TM4SF4: variants seen among roughly 807,000 people sequenced by gnomAD.
The protein encoded by TM4SF4 is transmembrane 4 L six family member 4, also known as transmembrane 4 L6 family member 4.
TM4SF4 carries 24 observed loss-of-function variants against 24.1 expected under a neutral mutation model. The observed-to-expected ratio is 1.00, with a 90% confidence interval of 0.72 to 1.40. The LOEUF (loss-of-function observed/expected upper bound fraction) is 1.40, where lower values mean the gene tolerates loss of function less well. TM4SF4 is among the 40% of genes most tolerant of loss of function. TM4SF4 has a pLI of 0.00. For missense variants in TM4SF4, 254 were observed against 254.2 expected, an observed-to-expected ratio of 1.00 and a Z score of 0.01; for synonymous variants, 113 against 97.0, an observed-to-expected ratio of 1.17 and a Z score of -0.97.
In TM4SF4 at chr3:149,474,840, G is replaced by A; in HGVS notation, c.-38G>A. The A allele has an allele frequency of 6.4e-7, 1 of 1,570,160 alleles. No homozygotes were observed. The highest frequency in any genetic ancestry group is 8.6e-7 in the Non-Finnish European group (1 of 1,160,862). On this transcript the variant is annotated 5_prime_UTR_variant, in exon 1 of 5. Coordinates refer to ENST00000305354, the MANE Select transcript of TM4SF4 (RefSeq NM_004617.4). ...GAGGCCCCGTGAAGGAGGCAGTGAG[G>A]AGCTTTTGATTGCTGACCTGTGTCG...
chr3:149,485,107 C>CT (rs1734093746), intron 2 of TM4SF4, among the ~76,000 whole-genome samples: 2 of 152,202 alleles, frequency 1.3e-5, no homozygotes, highest in Admixed American at 1.3e-4. Context: ...GGACTCAACT[C>CT]TAAGGTAATT....
chr3:149,498,511 C>T (rs10935762), intron 3 of TM4SF4, among the ~76,000 whole-genome samples: 111,521 of 152,078 alleles, frequency 0.73, 44,495 homozygotes, highest in Non-Finnish European at 0.9. Context: ...TGAATATGTG[C>T]GAAGTGATTA....
At chr3:149,481,160 C>T (rs1055437809) in intron 2 of TM4SF4, among the ~76,000 whole-genome samples, 2 of 152,112 alleles carry the variant, frequency 1.3e-5, no homozygotes, top group Non-Finnish European at 2.9e-5. Flanking sequence ...ACGCCGGCAT[C>T]TTCAGTAAAT....
At chr3:149,498,652 G>A in intron 3 of TM4SF4, 70 bp from the exon 4 acceptor site, 1 of 1,403,222 alleles carries the variant, frequency 7.1e-7, no homozygotes, top group South Asian at 1.2e-5. Flanking sequence ...ACATTGTTAT[G>A]GTAACTTTCT....
chr3:149,500,742 C>T (rs1313644951), intron 4 of TM4SF4, among the ~76,000 whole-genome samples: 1 of 152,138 alleles, frequency 6.6e-6, no homozygotes, highest in Non-Finnish European at 1.5e-5. Flanking sequence ...CATGGTGGCT[C>T]ATGTCTGTAA....
At chr3:149,499,815 C>T (rs1266169779) in intron 4 of TM4SF4, among the ~76,000 whole-genome samples, 2 of 151,808 alleles carry the variant, frequency 1.3e-5, no homozygotes, top group African/African-American at 4.8e-5. Context: ...GCAGAGGTTG[C>T]AGTGAGCCGA....
chr3:149,502,700 G>A lies in TM4SF4; in HGVS notation c.*7G>A, dbSNP rs770878534. The A allele has an allele frequency of 1.0e-5, 16 of 1,591,526 alleles. No homozygotes were observed. The highest frequency in any genetic ancestry group is 9.0e-5 in the East Asian group (4 of 44,618). On this transcript the variant is annotated 3_prime_UTR_variant, in exon 5 of 5. Transcript: ENST00000305354. ...GGGAGATGGACCCGTTTAAACCTCC[G>A]AGATGAGCTGCTCAGACTCTACAGC... is the stretch of plus-strand genomic sequence containing the variant.
chr3:149,482,703 C>G lies in TM4SF4; in HGVS notation c.265-4916C>G, dbSNP rs114599235. On this transcript the variant is annotated intron_variant, in intron 2 of 4. Coordinates refer to ENST00000305354, the MANE Select transcript of TM4SF4 (RefSeq NM_004617.4). ...GGACTACAAGCACACACCACCACCCCTCACTAATTTTTGTATTTCTTGTAG... is the reference window on the plus strand; with the variant it reads ...GGACTACAAGCACACACCACCACCCGTCACTAATTTTTGTATTTCTTGTAG... Among the ~76,000 whole-genome samples the G allele has an allele frequency of 3.3e-3, 497 of 152,270 alleles. 3 individuals carry two copies. Among genetic ancestry groups the G allele is most frequent in the African/African-American group, 0.011 (475 of 41,556 alleles).
At chr3:149,481,270 T>A (rs1734028656) in intron 2 of TM4SF4, among the ~76,000 whole-genome samples, 1 of 126,874 alleles carries the variant, frequency 7.9e-6, no homozygotes, top group South Asian at 2.3e-4. Context: ...TTGCAAGCAT[T>A]TGGTGTAAGG....
chr3:149,483,502 G>A lies in TM4SF4; in HGVS notation c.265-4117G>A, dbSNP rs140491282. Reference sequence around the variant, plus strand: ...GAATTGTAGCAGTATTTTCCAAAGTGTTTTCTTACAAGGAGTCACAGGAAA... The same window carrying A: ...GAATTGTAGCAGTATTTTCCAAAGTATTTTCTTACAAGGAGTCACAGGAAA... On this transcript the variant is annotated intron_variant, in intron 2 of 4. Coordinates refer to ENST00000305354, the MANE Select transcript of TM4SF4 (RefSeq NM_004617.4). Among the ~76,000 whole-genome samples, 701 of 148,934 alleles carry A rather than the reference G, an allele frequency of 4.7e-3. 4 individuals carry two copies. Among genetic ancestry groups the A allele is most frequent in the African/African-American group, 0.017 (673 of 40,480 alleles).
chr3:149,476,550 C>G (rs149613516), intron 2 of TM4SF4, among the ~76,000 whole-genome samples: 4,341 of 152,284 alleles, frequency 0.029, 102 homozygotes, highest in Admixed American at 0.059. Flanking sequence ...AGGACCCATT[C>G]TGCAATTGAG....
At chr3:149,475,718 G>T (rs1229346730) in intron 1 of TM4SF4, 105 bp from the exon 2 acceptor site, 5 of 911,086 alleles carry the variant, frequency 5.5e-6, no homozygotes, top group Non-Finnish European at 8.7e-6. Flanking sequence ...TTCCCTTTGG[G>T]CCTCCAAATC....
At chr3:149,475,108 T>A in intron 1 of TM4SF4, 57 bp downstream of exon 1, 2 of 1,537,434 alleles carry the variant, frequency 1.3e-6, no homozygotes, top group Non-Finnish European at 1.8e-6. Context: ...CCACAATCCT[T>A]TTTAAATCAG....
At chr3:149,499,072 G>A (rs1341855448) in intron 4 of TM4SF4, among the ~76,000 whole-genome samples, 161 bp downstream of exon 4, 1 of 152,186 alleles carries the variant, frequency 6.6e-6, no homozygotes, top group Admixed American at 6.5e-5. Flanking sequence ...AGTCAGCCCT[G>A]TCTGTCAGCT....
intron 3 of TM4SF4, among the ~76,000 whole-genome samples, chr3:149,493,612 G>A (rs1173188709): frequency 1.3e-5 from 2 of 152,232 alleles, no homozygotes; most frequent in African/African-American, 4.8e-5. Flanking sequence ...TGGCACTAGA[G>A]GACCCAGGAA....
chr3:149,491,765 C>T (rs1294987883), intron 3 of TM4SF4, among the ~76,000 whole-genome samples: 3 of 152,042 alleles, frequency 2.0e-5, no homozygotes, highest in Non-Finnish European at 2.9e-5. Flanking sequence ...GAAACTTCTT[C>T]GAGAAGGTGA....
chr3:149,494,581 G>GAA (rs11448800), intron 3 of TM4SF4: 45,477 of 150,688 alleles, frequency 0.3, 8,380 homozygotes, highest in Non-Finnish European at 0.42. Context: ...TTTCATGTTG[G>GAA]AAAAAAAAAG....
intron 2 of TM4SF4, among the ~76,000 whole-genome samples, chr3:149,482,723 T>G (rs1734055891): frequency 6.6e-6 from 1 of 152,150 alleles, no homozygotes; most frequent in South Asian, 2.1e-4. Context: ...TTTGTATTTC[T>G]TGTAGAGATG....
chr3:149,501,152 G>A (rs140865746), intron 4 of TM4SF4, among the ~76,000 whole-genome samples: 20 of 152,216 alleles, frequency 1.3e-4, no homozygotes, highest in African/African-American at 4.6e-4. Flanking sequence ...GTGTCAGCAC[G>A]TTGGTTCCTT....
Sources: allele counts gnomAD v4.1 joint callset (sites outside exome capture counted in the v4.1 genomes callset), GRCh38; gene constraint gnomAD v4.1.1; transcripts MANE v1.5; gene names NCBI Gene and HGNC (gene_info 2026-07-23, HGNC 2026-07-21).